CSMD1: variants seen among roughly 807,000 people sequenced by gnomAD.
CSMD1 encodes the protein CUB and sushi domain-containing protein 1.
Under a neutral mutation model 417.5 loss-of-function variants are expected in CSMD1, and 213 were observed. The ratio of observed to expected loss-of-function variants is 0.51; its 90% confidence interval spans 0.46 to 0.57. The LOEUF is 0.57. Among genes scored for constraint, CSMD1 ranks in the 20% least tolerant of loss-of-function variants. The pLI is 0.00. For missense variants in CSMD1, 6,923 were observed against 4,529.7 expected, an observed-to-expected ratio of 1.53 and a Z score of -15.17; for synonymous variants, 2,862 against 1,736.8, an observed-to-expected ratio of 1.65 and a Z score of -16.11.
intron 5 of CSMD1, among the ~76,000 whole-genome samples, chr8:3,971,884 A>G (rs933260229): frequency 6.6e-6 from 1 of 151,940 alleles, no homozygotes; most frequent in East Asian, 1.9e-4. Context: ...TTCTTTGTTG[A>G]TTTTTTTGTT....
At chr8:4,227,417 A>G (rs73658494) in intron 3 of CSMD1, among the ~76,000 whole-genome samples, 47 of 152,240 alleles carry the variant, frequency 3.1e-4, no homozygotes, top group African/African-American at 1.1e-3. Flanking sequence ...GTCTTCCATT[A>G]TAAGAACCCT....
At chr8:3,352,198 C>G (rs1176777088) in intron 21 of CSMD1, among the ~76,000 whole-genome samples, 1 of 152,062 alleles carries the variant, frequency 6.6e-6, no homozygotes, top group African/African-American at 2.4e-5. Flanking sequence ...AGGTGCAAGA[C>G]AAATAGGATG....
At chr8:3,481,391 T>C (rs897482218) in intron 11 of CSMD1, among the ~76,000 whole-genome samples, 2 of 152,156 alleles carry the variant, frequency 1.3e-5, no homozygotes. Context: ...CAGCGTCTGG[T>C]ACTTCAGATA....
intron 2 of CSMD1, among the ~76,000 whole-genome samples, chr8:4,458,289 C>A (rs1193419533): frequency 1.3e-5 from 2 of 151,952 alleles, no homozygotes; most frequent in African/African-American, 4.8e-5. Flanking sequence ...TGAGAAATAT[C>A]TTTCTCCCTC....
chr8:4,966,001 A>AGACTG (rs751733365), intron 1 of CSMD1, among the ~76,000 whole-genome samples: 39 of 152,254 alleles, frequency 2.6e-4, no homozygotes, highest in Middle Eastern at 6.8e-3. Flanking sequence ...AATGCAAATC[A>AGACTG]GACTGAAGGA....
intron 49 of CSMD1, among the ~76,000 whole-genome samples, chr8:3,058,729 G>C (rs889455938): frequency 6.6e-6 from 1 of 151,952 alleles, no homozygotes; most frequent in African/African-American, 2.4e-5. Flanking sequence ...CAGGCTGCGT[G>C]GTCTCGGAGG....
Position 4,197,315 on chromosome 8 carries a change from C to A in CSMD1, c.416-165216G>T, listed in dbSNP as rs145258272. Among the ~76,000 whole-genome samples, 133 of 152,314 alleles carry A rather than the reference C, an allele frequency of 8.7e-4. 3 individuals carry two copies. The East Asian group carries it at 0.018, about 20-fold the overall frequency. ...TATTATGATGGGTAATGTTATACAACAACCTGACTTGGCCATAGGATGCCC... is the reference window on the plus strand; with the variant it reads ...TATTATGATGGGTAATGTTATACAAAAACCTGACTTGGCCATAGGATGCCC... On this transcript the variant is annotated intron_variant, in intron 3 of 69. Transcript: ENST00000635120.
intron 7 of CSMD1, among the ~76,000 whole-genome samples, chr8:3,644,991 A>AAAAAAAAAAAAAAAAAAAT (rs1797507607): frequency 6.7e-6 from 1 of 149,866 alleles, no homozygotes. Flanking sequence ...AAAAAAAAAA[A>AAAAAAAAAAAAAAAAAAAT]GTCAATTGTT....
chr8:3,785,033 T>C lies in CSMD1; in HGVS notation c.819-30991A>G, dbSNP rs113001600. On this transcript the variant is annotated intron_variant, in intron 5 of 69. Transcript: ENST00000635120. ...AACAGTTATAAGTAGAGGGAGGGAA[T>C]AGAGATAGAAAAACTGCCCATCTCA... is the stretch of plus-strand genomic sequence containing the variant. Among the ~76,000 whole-genome samples the C allele has an allele frequency of 6.9e-3, 1,044 of 152,282 alleles. 18 individuals carry two copies. The highest frequency in any genetic ancestry group is 0.024 in the African/African-American group (986 of 41,552).
intron 49 of CSMD1, among the ~76,000 whole-genome samples, chr8:3,065,494 TATATAAAGAG>T (rs1812881672): frequency 6.6e-6 from 1 of 151,794 alleles, no homozygotes; most frequent in Non-Finnish European, 1.5e-5. Context: ...AAGATAGATA[TATATAAAGAG>T]ATAGGAAGAT....
chr8:3,440,046 G>A (rs953872341), intron 12 of CSMD1, among the ~76,000 whole-genome samples: 4 of 152,128 alleles, frequency 2.6e-5, no homozygotes, highest in Non-Finnish European at 5.9e-5. Flanking sequence ...ACATGGTCTT[G>A]ATTACTGGAG....
intron 44 of CSMD1, 94 bp from the exon 45 acceptor site, chr8:3,107,892 T>C (rs1270771614): frequency 3.8e-6 from 3 of 786,512 alleles, no homozygotes; most frequent in Admixed American, 2.7e-5. Flanking sequence ...GTTGTTATAA[T>C]GCTTAAGTAC....
At chr8:3,912,150 A>T (rs2688330) in intron 5 of CSMD1, among the ~76,000 whole-genome samples, 4,395 of 152,246 alleles carry the variant, frequency 0.029, 210 homozygotes, top group African/African-American at 0.1. Flanking sequence ...TAACCTGATT[A>T]ATGGGAACTT....
chr8:4,954,796 G>A (rs1013129568), intron 1 of CSMD1, among the ~76,000 whole-genome samples: 4 of 152,052 alleles, frequency 2.6e-5, no homozygotes, highest in African/African-American at 9.7e-5. Context: ...TTCCATACTT[G>A]ACTTTAAGAA....
chr8:3,500,365 TGTGGCCAGTG>T (rs1796548709), intron 10 of CSMD1, among the ~76,000 whole-genome samples: 5 of 152,162 alleles, frequency 3.3e-5, no homozygotes. Context: ...GTCAAGCCAC[TGTGGCCAGTG>T]AGCATTTAGA....
At chr8:4,412,714 C>G (rs1041178246) in intron 3 of CSMD1, among the ~76,000 whole-genome samples, 1 of 152,100 alleles carries the variant, frequency 6.6e-6, no homozygotes, top group Non-Finnish European at 1.5e-5. Flanking sequence ...CATATAAAGA[C>G]ATAGTGAAAA....
At chr8:3,287,301 A>G (rs1398246125) in intron 25 of CSMD1, among the ~76,000 whole-genome samples, 3 of 151,908 alleles carry the variant, frequency 2.0e-5, no homozygotes, top group Non-Finnish European at 2.9e-5. Context: ...TTTTGGTTCC[A>G]TATGAACTTT....
At chr8:4,363,698 A>G (rs73508650) in intron 3 of CSMD1, among the ~76,000 whole-genome samples, 9,368 of 152,242 alleles carry the variant, frequency 0.062, 756 homozygotes, top group African/African-American at 0.18. Context: ...TGGTTATTTC[A>G]CTTAACAAAG....
intron 3 of CSMD1, among the ~76,000 whole-genome samples, chr8:4,210,256 C>T (rs1800227802): frequency 6.6e-6 from 1 of 152,216 alleles, no homozygotes; most frequent in African/African-American, 2.4e-5. Flanking sequence ...CAGAGGACTG[C>T]TCTTTGTTTG....
Sources: gnomAD v4.1 joint callset for allele counts (sites outside exome capture counted in the v4.1 genomes callset) on GRCh38, gnomAD v4.1.1 for gene constraint, MANE v1.5 for transcripts, NCBI Gene and HGNC (gene_info 2026-07-23, HGNC 2026-07-21) for gene names.